The following ADAMTS18 variants were observed in gnomAD, a reference collection of about 807,000 sequenced individuals.
The protein encoded by ADAMTS18 is ADAM metallopeptidase with thrombospondin type 1 motif 18.
A neutral mutation model predicts 165.9 loss-of-function variants in ADAMTS18; 157 were observed. The observed-to-expected ratio is 0.95, with a 90% CI of 0.83 to 1.08. The LOEUF (loss-of-function observed/expected upper bound fraction) is 1.08. Among genes scored for constraint, ADAMTS18 ranks in the 50% least tolerant of loss-of-function variants. The pLI is 0.00. For synonymous variants in ADAMTS18, 782 were observed against 578.2 expected (o/e 1.35, Z -5.06); for missense variants, 2,040 against 1,534.0 (o/e 1.33, Z -5.51).
At chr16:77,303,548 C>T (rs2055625432) in intron 16 of ADAMTS18, among the ~76,000 whole-genome samples, 1 of 152,112 alleles carries the variant, frequency 6.6e-6, no homozygotes, top group Admixed American at 6.5e-5. Context: ...TATCCTCTCT[C>T]ATATCTTACC....
intron 17 of ADAMTS18, among the ~76,000 whole-genome samples, chr16:77,298,587 T>A (rs764162980): frequency 1.3e-5 from 2 of 151,722 alleles, no homozygotes; most frequent in Non-Finnish European, 2.9e-5. Context: ...AGGCCAGGAG[T>A]TTGACACCAG....
chr16:77,416,648 T>G (rs1225103901), intron 3 of ADAMTS18, among the ~76,000 whole-genome samples: 4 of 152,214 alleles, frequency 2.6e-5, no homozygotes, highest in African/African-American at 9.6e-5. Flanking sequence ...CCATTAAACC[T>G]CTTTCCTTTA....
intron 18 of ADAMTS18, among the ~76,000 whole-genome samples, chr16:77,296,427 T>A (rs35559419): frequency 6.6e-6 from 1 of 152,156 alleles, no homozygotes; most frequent in Non-Finnish European, 1.5e-5. Context: ...ATTTTTAAAT[T>A]CTTGGACCAT....
intron 8 of ADAMTS18, among the ~76,000 whole-genome samples, chr16:77,357,153 T>G (rs768264614): frequency 1.3e-5 from 2 of 152,142 alleles, no homozygotes; most frequent in Non-Finnish European, 2.9e-5. Flanking sequence ...ATAAATGTTA[T>G]CCTGATATAA....
Position 77,396,085 on chromosome 16 carries a change from G to A in ADAMTS18, c.496-28362C>T, listed in dbSNP as rs1388242147. On this transcript the variant is annotated intron_variant, in intron 3 of 22. Coordinates refer to ENST00000282849, the MANE Select transcript of ADAMTS18 (RefSeq NM_199355.4). ...AAAAGAAGTTTAGCAACATGCCAAG[G>A]GCACCCAACTCTTTTGGGAAAGCCA... Among the ~76,000 whole-genome samples the A allele has an allele frequency of 2.0e-5, 3 of 152,204 alleles. No homozygotes were observed. In the East Asian group the frequency reaches 5.8e-4, roughly 29 times the overall value.
intron 16 of ADAMTS18, among the ~76,000 whole-genome samples, chr16:77,312,176 T>C (rs1038547750): frequency 6.6e-6 from 1 of 152,128 alleles, no homozygotes; most frequent in Non-Finnish European, 1.5e-5. Flanking sequence ...CCGGATCAAT[T>C]CGAGAGAACT....
chr16:77,424,941 G>A (rs780726016), intron 3 of ADAMTS18, among the ~76,000 whole-genome samples: 14 of 152,160 alleles, frequency 9.2e-5, no homozygotes, highest in African/African-American at 1.9e-4. Flanking sequence ...CGCCATGGAC[G>A]AAGGTCATTC....
At chr16:77,363,741 T>C in intron 6 of ADAMTS18, 61 bp downstream of exon 6, 4 of 1,509,544 alleles carry the variant, frequency 2.6e-6, no homozygotes, top group Non-Finnish European at 3.7e-6. Context: ...ACAGTAGGTG[T>C]TCAAGAAATG....
chr16:77,416,527 G>C (rs2057532478), intron 3 of ADAMTS18, among the ~76,000 whole-genome samples: 1 of 152,086 alleles, frequency 6.6e-6, no homozygotes, highest in Non-Finnish European at 1.5e-5. Flanking sequence ...TTATAAATGG[G>C]AGTTCCCCTG....
intron 3 of ADAMTS18, among the ~76,000 whole-genome samples, chr16:77,402,197 G>A (rs563398216): frequency 6.6e-6 from 1 of 152,206 alleles, no homozygotes; most frequent in Non-Finnish European, 1.5e-5. Flanking sequence ...CAAACACACA[G>A]GTATACAAAG....
chr16:77,285,877 C>T (rs187884215), intron 22 of ADAMTS18, among the ~76,000 whole-genome samples: 6 of 152,298 alleles, frequency 3.9e-5, no homozygotes, highest in Admixed American at 1.3e-4. Context: ...CTCCTCCAAC[C>T]GCTTCCTGGC....
At chr16:77,405,085 G>C (rs554475418) in intron 3 of ADAMTS18, among the ~76,000 whole-genome samples, 52 of 152,306 alleles carry the variant, frequency 3.4e-4, no homozygotes, top group South Asian at 1.0e-3. Flanking sequence ...CTGACTAAAG[G>C]TGACATTAAA....
intron 3 of ADAMTS18, among the ~76,000 whole-genome samples, chr16:77,421,981 C>G (rs1335366991): frequency 6.6e-6 from 1 of 152,156 alleles, no homozygotes; most frequent in Non-Finnish European, 1.5e-5. Context: ...CCCTCTTCCC[C>G]CACCAAACAA....
intron 10 of ADAMTS18, 47 bp from the exon 11 acceptor site, chr16:77,341,846 A>G (rs1280749759): frequency 3.7e-6 from 5 of 1,334,924 alleles, no homozygotes; most frequent in South Asian, 3.7e-5. Context: ...ATATACAATA[A>G]AAACAAAAAT....
In ADAMTS18 at chr16:77,353,903, T is replaced by G. The variant is rs2056592138; in HGVS notation, c.1461-17A>C. ...TGAGGTGTGCTGTAATGACAATACA[T>G]GCTTATTAATTACTCTGTTGATCTG... On this transcript the variant is annotated splice_polypyrimidine_tract_variant and intron_variant, in intron 9 of 22. Transcript: ENST00000282849. 1 of 1,613,956 alleles carries G rather than the reference T, an allele frequency of 6.2e-7. No individual in the cohort carries two copies. Among genetic ancestry groups the G allele is most frequent in the Non-Finnish European group, 8.5e-7 (1 of 1,179,962 alleles).
chr16:77,327,113 T>C (rs903056667), intron 12 of ADAMTS18, among the ~76,000 whole-genome samples: 30 of 152,224 alleles, frequency 2.0e-4, no homozygotes, highest in Non-Finnish European at 8.8e-5. Context: ...GGCATTCAGG[T>C]TGATTCCATG....
At chr16:77,319,187 A>T (rs758852361) in intron 16 of ADAMTS18, among the ~76,000 whole-genome samples, 1 of 152,186 alleles carries the variant, frequency 6.6e-6, no homozygotes, top group Non-Finnish European at 1.5e-5. Context: ...CTCCTAGGCC[A>T]GTTGACCTAT....
chr16:77,321,787 T>C (rs1385458258), intron 14 of ADAMTS18, among the ~76,000 whole-genome samples: 3 of 152,214 alleles, frequency 2.0e-5, no homozygotes, highest in Non-Finnish European at 4.4e-5. Context: ...CTCCATTCTA[T>C]ATATGTGCAA....
At chr16:77,412,453 T>C (rs1343132764) in intron 3 of ADAMTS18, among the ~76,000 whole-genome samples, 2 of 152,298 alleles carry the variant, frequency 1.3e-5, no homozygotes, top group Non-Finnish European at 2.9e-5. Context: ...GCCTACCAAG[T>C]AGCTAGTACT....
Sources: allele counts gnomAD v4.1 joint callset (sites outside exome capture counted in the v4.1 genomes callset), GRCh38; gene constraint gnomAD v4.1.1; transcripts MANE v1.5; gene names NCBI Gene and HGNC (gene_info 2026-07-23, HGNC 2026-07-21).